SMYD3: variants seen among roughly 807,000 people sequenced by gnomAD.
The protein encoded by SMYD3 is SET and MYND domain containing 3, also known as histone-lysine N-methyltransferase SMYD3.
Under a neutral mutation model 57.7 loss-of-function variants are expected in SMYD3, and 36 were observed. The ratio of observed to expected loss-of-function variants is 0.62; its 90% CI spans 0.48 to 0.82. The LOEUF (loss-of-function observed/expected upper bound fraction) is 0.82, where lower values mean the gene tolerates loss of function less well. Ranked by LOEUF, SMYD3 falls within the 40% of genes least tolerant of loss-of-function variation. The probability of loss-of-function intolerance (pLI) is 0.00; values close to 1 mark genes in which losing one functional copy is unlikely to be tolerated. For synonymous variants in SMYD3, 211 were observed against 195.0 expected (o/e 1.08, Z -0.68); for missense variants, 515 against 538.8 (o/e 0.96, Z 0.44).
intron 8 of SMYD3, among the ~76,000 whole-genome samples, chr1:245,911,584 G>A (rs1203841998): frequency 2.0e-5 from 3 of 151,782 alleles, no homozygotes. Flanking sequence ...GTCATTTGTA[G>A]CAACATGGAT....
intron 5 of SMYD3, among the ~76,000 whole-genome samples, chr1:246,038,025 G>A (rs1258270699): frequency 6.6e-6 from 1 of 152,196 alleles, no homozygotes; most frequent in Non-Finnish European, 1.5e-5. Context: ...AATGAGTGTG[G>A]CTGTGTTCTA....
chr1:245,803,999 C>T (rs543397223), intron 10 of SMYD3, among the ~76,000 whole-genome samples: 5 of 151,054 alleles, frequency 3.3e-5, no homozygotes, highest in South Asian at 2.1e-4. Flanking sequence ...CTGCAACCTC[C>T]GCCTCCCGGG....
chr1:246,070,849 T>C (rs146069939), intron 5 of SMYD3, among the ~76,000 whole-genome samples: 1,931 of 152,344 alleles, frequency 0.013, 40 homozygotes, highest in African/African-American at 0.044. Context: ...TAAAAATTTA[T>C]GTGTAATTGG....
intron 5 of SMYD3, among the ~76,000 whole-genome samples, chr1:245,985,625 C>T (rs183246038): frequency 2.2e-3 from 331 of 152,274 alleles, no homozygotes; most frequent in Admixed American, 8.2e-3. Context: ...GCTCCAACTT[C>T]GGTCAACATC....
intron 5 of SMYD3, among the ~76,000 whole-genome samples, chr1:246,066,910 A>G (rs889064725): frequency 2.6e-5 from 4 of 152,232 alleles, no homozygotes; most frequent in African/African-American, 9.6e-5. Flanking sequence ...AAGGCTTACT[A>G]TCTGGTGTGA....
chr1:246,079,502 T>A (rs115585604), intron 5 of SMYD3, among the ~76,000 whole-genome samples: 1 of 152,242 alleles, frequency 6.6e-6, no homozygotes, highest in African/African-American at 2.4e-5. Flanking sequence ...CTGTATTTTT[T>A]ATTTTTCTCT....
intron 5 of SMYD3, among the ~76,000 whole-genome samples, chr1:246,281,211 T>A (rs1031507211): frequency 1.3e-5 from 2 of 152,232 alleles, no homozygotes; most frequent in Non-Finnish European, 2.9e-5. Context: ...GGGGTCCCCA[T>A]TCAGCCCGTG....
chr1:245,954,569 A>AGGAAGCTGAGGT (rs1212558570), intron 5 of SMYD3, among the ~76,000 whole-genome samples: 1 of 152,192 alleles, frequency 6.6e-6, no homozygotes, highest in Admixed American at 6.5e-5. Context: ...ACAGCTACTC[A>AGGAAGCTGAGGT]GGAAGCTGAG....
chr1:246,350,978 T>C (rs2065812877), intron 2 of SMYD3, among the ~76,000 whole-genome samples: 1 of 152,254 alleles, frequency 6.6e-6, no homozygotes, highest in African/African-American at 2.4e-5. Context: ...TCAGGCCGAA[T>C]TTATGAAGTA....
chr1:245,848,009 G>A (rs921557487), intron 10 of SMYD3, among the ~76,000 whole-genome samples: 5 of 152,152 alleles, frequency 3.3e-5, no homozygotes, highest in African/African-American at 1.2e-4. Context: ...TCCTGTTCAG[G>A]TGACCTAGTC....
chr1:245,752,588 A>G lies in SMYD3; in HGVS notation c.1186-2924T>C, dbSNP rs558804523. Among the ~76,000 whole-genome samples the G allele has an allele frequency of 1.2e-4, 19 of 152,138 alleles. No homozygotes were observed. The East Asian group carries it at 3.5e-3, about 28-fold the overall frequency. On this transcript the variant is annotated intron_variant, in intron 11 of 11. Transcript: ENST00000490107. ...TCTTCCAGTTCCAGTGGTGAGTTTC[A>G]CTTTCTCCTCTTTTGCAGCTTTAAG...
intron 1 of SMYD3, among the ~76,000 whole-genome samples, chr1:246,421,489 T>C (rs987836978): frequency 6.6e-6 from 1 of 152,090 alleles, no homozygotes; most frequent in Non-Finnish European, 1.5e-5. Flanking sequence ...AAAAACAAGA[T>C]GACCTTAAAA....
chr1:245,961,770 CAT>C (rs772352006), intron 5 of SMYD3, among the ~76,000 whole-genome samples: 6 of 152,084 alleles, frequency 3.9e-5, no homozygotes, highest in African/African-American at 9.7e-5. Context: ...CCCTTCGACA[CAT>C]GTTACTATAA....
intron 10 of SMYD3, among the ~76,000 whole-genome samples, chr1:245,840,672 T>C (rs925588403): frequency 5.3e-5 from 8 of 152,054 alleles, no homozygotes; most frequent in South Asian, 2.1e-4. Context: ...ACTTCTTCAG[T>C]TGTAAGAAAC....
chr1:246,129,564 T>A (rs1205463857), intron 5 of SMYD3, among the ~76,000 whole-genome samples: 1 of 152,198 alleles, frequency 6.6e-6, no homozygotes, highest in Non-Finnish European at 1.5e-5. Flanking sequence ...TTCTGCTGCA[T>A]GTTCACTATT....
At chr1:245,816,048 C>A (rs1491003266) in intron 10 of SMYD3, among the ~76,000 whole-genome samples, 2 of 152,176 alleles carry the variant, frequency 1.3e-5, no homozygotes, top group Non-Finnish European at 2.9e-5. Context: ...ATATGGGCCA[C>A]AGTATCTCAA....
At chr1:245,923,633 A>C (rs2056150992) in intron 7 of SMYD3, among the ~76,000 whole-genome samples, 1 of 152,150 alleles carries the variant, frequency 6.6e-6, no homozygotes, top group Non-Finnish European at 1.5e-5. Flanking sequence ...CTCTAACTCC[A>C]TGGATCCTTT....
At chr1:245,948,867 C>A (rs998933987) in intron 5 of SMYD3, among the ~76,000 whole-genome samples, 2 of 152,308 alleles carry the variant, frequency 1.3e-5, no homozygotes, top group East Asian at 3.9e-4. Context: ...GGACACCTGG[C>A]CCAGTTCCAC....
At chr1:245,925,725 T>C (rs2056327439) in intron 7 of SMYD3, among the ~76,000 whole-genome samples, 1 of 152,188 alleles carries the variant, frequency 6.6e-6, no homozygotes, top group Non-Finnish European at 1.5e-5. Context: ...CAAAGCTAAG[T>C]GCTAAGAGAT....
Sources: allele counts gnomAD v4.1 joint callset (sites outside exome capture counted in the v4.1 genomes callset), GRCh38; gene constraint gnomAD v4.1.1; transcripts MANE v1.5; gene names NCBI Gene and HGNC (gene_info 2026-07-23, HGNC 2026-07-21).